ECT2L: variants seen among roughly 807,000 people sequenced by gnomAD.
The protein encoded by ECT2L is epithelial cell-transforming sequence 2 oncogene-like.
A neutral mutation model predicts 122.8 loss-of-function variants in ECT2L; 126 were observed. The observed-to-expected ratio is 1.03, with a 90% CI of 0.89 to 1.19. ECT2L has a LOEUF of 1.19. Ranked by LOEUF, ECT2L falls within the 50% of genes most tolerant of loss-of-function variation. The probability of loss-of-function intolerance (pLI) is 0.00; values close to 1 mark genes in which losing one functional copy is unlikely to be tolerated. For missense variants in ECT2L, 1,012 were observed against 1,064.1 expected (o/e 0.95, Z 0.68); for synonymous variants, 385 against 381.8 (o/e 1.01, Z -0.10).
chr6:138,871,785 A>G (rs1778262870), intron 13 of ECT2L, among the ~76,000 whole-genome samples: 1 of 152,014 alleles, frequency 6.6e-6, no homozygotes, highest in Admixed American at 6.6e-5. Context: ...AGCCTGGGCC[A>G]TAGAGTGAGA....
chr6:138,817,905 G>A (rs1776124385), intron 4 of ECT2L, among the ~76,000 whole-genome samples: 1 of 152,122 alleles, frequency 6.6e-6, no homozygotes, highest in East Asian at 1.9e-4. Flanking sequence ...ATGGTTTCCA[G>A]TGATGTCTTT....
chr6:138,847,124 G>A (rs1005530488), intron 8 of ECT2L, among the ~76,000 whole-genome samples: 1 of 151,316 alleles, frequency 6.6e-6, no homozygotes, highest in East Asian at 2.0e-4. Flanking sequence ...AAAAAAAATA[G>A]CCGGGTGTGG....
chr6:138,878,505 G>C (rs959013015), intron 14 of ECT2L, among the ~76,000 whole-genome samples: 2 of 152,136 alleles, frequency 1.3e-5, no homozygotes, highest in African/African-American at 4.8e-5. Context: ...GGAGTGCGGT[G>C]GCATGACCTC....
intron 14 of ECT2L, chr6:138,878,960 G>A (rs1170170959): frequency 6.4e-6 from 1 of 157,380 alleles, no homozygotes; most frequent in East Asian, 1.9e-4. Context: ...AGGATGTAGT[G>A]GAACCAGATT....
At chr6:138,799,684 C>G (rs1775474118) in intron 1 of ECT2L, among the ~76,000 whole-genome samples, 1 of 152,160 alleles carries the variant, frequency 6.6e-6, no homozygotes, top group Non-Finnish European at 1.5e-5. Flanking sequence ...TCCAGCCTCC[C>G]AACTAGCTAG....
intron 21 of ECT2L, 48 bp from the exon 22 acceptor site, chr6:138,902,452 G>T (rs1275708832): frequency 2.6e-6 from 4 of 1,544,554 alleles, no homozygotes; most frequent in Admixed American, 4.3e-5. Flanking sequence ...TTCTCATTTT[G>T]ATTGTTATCT....
chr6:138,803,039 T>G (rs1368622098), intron 1 of ECT2L, among the ~76,000 whole-genome samples: 1 of 151,178 alleles, frequency 6.6e-6, no homozygotes, highest in Admixed American at 6.6e-5. Flanking sequence ...TTGCACCACT[T>G]GCACTCCAAC....
intron 8 of ECT2L, among the ~76,000 whole-genome samples, chr6:138,848,880 CTT>C (rs1335257306): frequency 2.0e-5 from 3 of 152,184 alleles, no homozygotes; most frequent in African/African-American, 7.2e-5. Flanking sequence ...GTCTCTAACT[CTT>C]GAGCTCAAGT....
chr6:138,859,833 T>G (rs1777757545), intron 10 of ECT2L, among the ~76,000 whole-genome samples: 1 of 152,028 alleles, frequency 6.6e-6, no homozygotes, highest in African/African-American at 2.4e-5. Flanking sequence ...TTCTTTTTTT[T>G]GAGACAGAGT....
At chr6:138,867,939 G>T (rs765861148) in intron 12 of ECT2L, among the ~76,000 whole-genome samples, 164 bp from the exon 13 acceptor site, 1 of 145,298 alleles carries the variant, frequency 6.9e-6, no homozygotes, top group Non-Finnish European at 1.5e-5. Context: ...GATCAAGGCT[G>T]CAGTGAGCTA....
chr6:138,881,303 G>A, intron 15 of ECT2L, 132 bp downstream of exon 15: 1 of 870,868 alleles, frequency 1.1e-6, no homozygotes, highest in African/African-American at 1.7e-5. Flanking sequence ...ATAGCAGCGA[G>A]ATCCTCATCA....
chr6:138,881,236 G>A (rs1369316931), intron 15 of ECT2L, 65 bp downstream of exon 15: 2 of 1,484,182 alleles, frequency 1.3e-6, no homozygotes, highest in East Asian at 2.4e-5. Context: ...ATGCTTTATT[G>A]TTTCAAAAGC....
At chr6:138,856,973 A>G (rs1777632975) in intron 10 of ECT2L, among the ~76,000 whole-genome samples, 1 of 151,988 alleles carries the variant, frequency 6.6e-6, no homozygotes, top group African/African-American at 2.4e-5. Context: ...TCATATGGGA[A>G]CTCCCTAATT....
In ECT2L at chr6:138,876,855, C is replaced by T. The variant is rs138862661; in HGVS notation, c.1665+297C>T. Among the ~76,000 whole-genome samples the T allele has an allele frequency of 1.0e-2, 1,519 of 152,248 alleles. 27 individuals carry two copies. Among genetic ancestry groups the T allele is most frequent in the African/African-American group, 0.035 (1,444 of 41,546 alleles). On this transcript the variant is annotated intron_variant, in intron 14 of 21. Coordinates refer to ENST00000541398, the MANE Select transcript of ECT2L (RefSeq NM_001077706.3). ...ACTAGGATGTCTTTTAAAGAAATGG[C>T]ACATGGACAAAGGCTCACAGTTTCT...
At chr6:138,804,607 ACAC>A (rs1775652471) in intron 1 of ECT2L, among the ~76,000 whole-genome samples, 1 of 152,054 alleles carries the variant, frequency 6.6e-6, no homozygotes, top group Non-Finnish European at 1.5e-5. Flanking sequence ...ACACACACAC[ACAC>A]AATATTTCTT....
chr6:138,859,813 T>A (rs1777754913), intron 10 of ECT2L, among the ~76,000 whole-genome samples: 1 of 147,284 alleles, frequency 6.8e-6, no homozygotes. Context: ...CACAGTTCTT[T>A]TTTTTTTTCT....
chr6:138,881,189 A>AT lies in ECT2L; in HGVS notation c.1880+26dup, dbSNP rs370532609. ...CTCAACAGGTAAACCCTGAATATGT[A>AT]TTTTTTTTAATATTCATTGTGCACT... On this transcript the variant is annotated intron_variant, in intron 15 of 21. Coordinates refer to ENST00000541398, the MANE Select transcript of ECT2L (RefSeq NM_001077706.3). The AT allele has an allele frequency of 3.1e-5, 49 of 1,603,212 alleles. No individual in the cohort carries two copies. The African/African-American group carries it at 3.4e-4, about 11-fold the overall frequency.
chr6:138,898,249 G>T (rs1231417691), intron 20 of ECT2L, among the ~76,000 whole-genome samples: 1 of 151,996 alleles, frequency 6.6e-6, no homozygotes, highest in Non-Finnish European at 1.5e-5. Context: ...ATAACCTATT[G>T]ACTCGATCTA....
At chr6:138,842,001 G>A (rs1006434574) in intron 5 of ECT2L, among the ~76,000 whole-genome samples, 3 of 152,138 alleles carry the variant, frequency 2.0e-5, no homozygotes. Context: ...TAGGGTTAAC[G>A]TAACCAAATG....
Sources: gnomAD v4.1 joint callset for allele counts (sites outside exome capture counted in the v4.1 genomes callset) on GRCh38, gnomAD v4.1.1 for gene constraint, MANE v1.5 for transcripts, NCBI Gene and HGNC (gene_info 2026-07-23, HGNC 2026-07-21) for gene names.